FOXP2: variants seen among roughly 807,000 people sequenced by gnomAD.
The protein encoded by FOXP2 is forkhead box P2, also known as forkhead box protein P2.
A neutral mutation model predicts 115.8 loss-of-function variants in FOXP2; 12 were observed. The ratio of observed to expected loss-of-function variants is 0.10; its 90% confidence interval spans 0.07 to 0.17. The LOEUF (loss-of-function observed/expected upper bound fraction) is 0.17, where lower values mean the gene tolerates loss of function less well. Among genes scored for constraint, FOXP2 ranks in the 10% least tolerant of loss-of-function variants. The pLI is 1.00. For synonymous variants in FOXP2, 328 were observed against 297.7 expected, an observed-to-expected ratio of 1.10 and a Z score of -1.05; for missense variants, 629 against 843.5, an observed-to-expected ratio of 0.75 and a Z score of 3.15.
intron 1 of FOXP2, among the ~76,000 whole-genome samples, chr7:114,249,161 AG>A (rs1795367053): frequency 6.6e-6 from 1 of 152,168 alleles, no homozygotes; most frequent in Non-Finnish European, 1.5e-5. Context: ...TTTGGGGAAG[AG>A]TATTTACCAT....
intron 1 of FOXP2, among the ~76,000 whole-genome samples, chr7:114,157,678 T>A (rs1224042466): frequency 6.6e-6 from 1 of 152,240 alleles, no homozygotes; most frequent in East Asian, 1.9e-4. Flanking sequence ...GTTGGATGAC[T>A]TGAAGTCACA....
intron 1 of FOXP2, among the ~76,000 whole-genome samples, chr7:114,268,700 CTGTGTGTGTGTG>C (rs61371412): frequency 1.0e-4 from 15 of 148,120 alleles, no homozygotes; most frequent in Middle Eastern, 3.5e-3. Flanking sequence ...ATACTCCCCA[CTGTGTGTGTGTG>C]TGTGTGTGTG....
chr7:114,596,267 TGG>T (rs1802700263), intron 3 of FOXP2, among the ~76,000 whole-genome samples: 1 of 152,070 alleles, frequency 6.6e-6, no homozygotes, highest in Non-Finnish European at 1.5e-5. Context: ...TTGTGCTTCT[TGG>T]AAATCTGGAG....
chr7:114,614,135 A>G (rs1256619578), intron 3 of FOXP2, among the ~76,000 whole-genome samples: 1 of 152,228 alleles, frequency 6.6e-6, no homozygotes, highest in Non-Finnish European at 1.5e-5. Flanking sequence ...TTTAATTTTG[A>G]TAGATACTAC....
rs1233823362 is a variant in FOXP2, at chr7:114,658,074, G to C, written c.1275G>C (p.Leu425=). 2 of 1,613,510 alleles carry C rather than the reference G, an allele frequency of 1.2e-6. No homozygotes were observed. Among genetic ancestry groups the C allele is most frequent in the Non-Finnish European group, 1.7e-6 (2 of 1,179,718 alleles). ...EPKPSPKPLN[L]VSSVTMSKNM... is the part of the protein sequence containing the mutation. ...CTCTTGGGCCTTTGCAGCTAAATCT[G>C]GTGTCTAGTGTCACCATGTCGAAGA... Residue 425 remains leucine, a synonymous_variant, in exon 11 of 17, where the codon CTG becomes CTC. Transcript: ENST00000350908.
intron 3 of FOXP2, among the ~76,000 whole-genome samples, chr7:114,607,070 A>G (rs1803370161): frequency 6.6e-6 from 1 of 152,154 alleles, no homozygotes; most frequent in Admixed American, 6.5e-5. Flanking sequence ...GTCAGAAAGG[A>G]GGAGAATAGG....
intron 1 of FOXP2, among the ~76,000 whole-genome samples, chr7:114,418,319 A>G (rs1171808363): frequency 6.6e-6 from 1 of 151,944 alleles, no homozygotes; most frequent in South Asian, 2.1e-4. Flanking sequence ...GGGAATGACA[A>G]CATAAATCAG....
In FOXP2 at chr7:114,692,942, C is replaced by T. The variant is rs548292791; in HGVS notation, c.*3016C>T. On this transcript the variant is annotated 3_prime_UTR_variant, in exon 17 of 17. Coordinates refer to ENST00000350908, the MANE Select transcript of FOXP2 (RefSeq NM_014491.4). Reference sequence around the variant, plus strand: ...GTTGAGAATTGTAACAGCTGTTATTCGTTCTGTATTCATGGCTTTCACTGC... The same window carrying T: ...GTTGAGAATTGTAACAGCTGTTATTTGTTCTGTATTCATGGCTTTCACTGC... 9 of 453,830 alleles carry T rather than the reference C, an allele frequency of 2.0e-5. No individual in the cohort carries two copies. Among genetic ancestry groups the T allele is most frequent in the African/African-American group, 1.2e-4 (6 of 50,088 alleles). 28.1% of individuals were successfully genotyped at this position (453,830 alleles called of 1,614,324 possible).
At chr7:114,447,785 A>G (rs954173172) in intron 2 of FOXP2, among the ~76,000 whole-genome samples, 2 of 152,216 alleles carry the variant, frequency 1.3e-5, no homozygotes, top group South Asian at 2.1e-4. Flanking sequence ...AACATTCAGA[A>G]CATGCAATTA....
intron 2 of FOXP2, among the ~76,000 whole-genome samples, chr7:114,365,599 G>C (rs941416687): frequency 1.3e-5 from 2 of 152,042 alleles, no homozygotes; most frequent in Non-Finnish European, 2.9e-5. Context: ...GTTTAGAGAA[G>C]ATTAATCTCT....
intron 1 of FOXP2, among the ~76,000 whole-genome samples, chr7:114,212,427 G>T (rs1397488165): frequency 6.6e-6 from 1 of 151,824 alleles, no homozygotes; most frequent in East Asian, 1.9e-4. Context: ...TGAATTGGTG[G>T]TTTTTTACCC....
At chr7:114,157,241 A>T (rs1264622025) in intron 1 of FOXP2, among the ~76,000 whole-genome samples, 1 of 152,148 alleles carries the variant, frequency 6.6e-6, no homozygotes, top group Non-Finnish European at 1.5e-5. Context: ...AAATGTTAGA[A>T]ATCAGGTATG....
intron 2 of FOXP2, among the ~76,000 whole-genome samples, chr7:114,492,143 G>C (rs1797091444): frequency 6.6e-6 from 1 of 151,986 alleles, no homozygotes; most frequent in African/African-American, 2.4e-5. Flanking sequence ...GTCTTGGGAG[G>C]GTGTATGTGT....
chr7:114,528,434 A>C (rs765733416), intron 2 of FOXP2, among the ~76,000 whole-genome samples: 5 of 152,074 alleles, frequency 3.3e-5, no homozygotes, highest in Admixed American at 6.6e-5. Context: ...GATAGAAACA[A>C]TGTCATATCA....
chr7:114,399,478 G>C (rs1192602812), intron 2 of FOXP2, among the ~76,000 whole-genome samples: 1 of 151,850 alleles, frequency 6.6e-6, no homozygotes, highest in East Asian at 1.9e-4. Context: ...ATATATTCTG[G>C]GTATTAAATA....
At chr7:114,443,447 C>G (rs1794695779) in intron 2 of FOXP2, among the ~76,000 whole-genome samples, 1 of 151,944 alleles carries the variant, frequency 6.6e-6, no homozygotes, top group Non-Finnish European at 1.5e-5. Flanking sequence ...ATTTTAGGTT[C>G]AGGGGTACAT....
chr7:114,378,405 C>T (rs1481346998), intron 2 of FOXP2, among the ~76,000 whole-genome samples: 1 of 151,888 alleles, frequency 6.6e-6, no homozygotes, highest in East Asian at 1.9e-4. Flanking sequence ...AAGGAGCTAC[C>T]AGGTGCTGTG....
At chr7:114,139,968 C>A (rs1221528218) in intron 1 of FOXP2, among the ~76,000 whole-genome samples, 1 of 151,972 alleles carries the variant, frequency 6.6e-6, no homozygotes, top group East Asian at 1.9e-4. Context: ...AAAAAATTAG[C>A]CAAGCGTGGT....
At chr7:114,466,093 A>G (rs1584770373) in intron 2 of FOXP2, among the ~76,000 whole-genome samples, 1 of 152,140 alleles carries the variant, frequency 6.6e-6, no homozygotes, top group African/African-American at 2.4e-5. Context: ...TTGTTCCTAG[A>G]TCTCAGCTTA....
Sources: allele counts gnomAD v4.1 joint callset (sites outside exome capture counted in the v4.1 genomes callset), GRCh38; gene constraint gnomAD v4.1.1; transcripts MANE v1.5; gene names NCBI Gene and HGNC (gene_info 2026-07-23, HGNC 2026-07-21).